TMOD3: variants seen among roughly 807,000 people sequenced by gnomAD.
TMOD3 encodes the protein tropomodulin 3.
A neutral mutation model predicts 39.2 loss-of-function variants in TMOD3; 20 were observed. The ratio of observed to expected loss-of-function variants is 0.51; its 90% CI spans 0.36 to 0.74. The LOEUF is 0.74. TMOD3 is among the 30% of genes least tolerant of loss of function. TMOD3 has a pLI of 0.00. For missense variants in TMOD3, 381 were observed against 412.8 expected (o/e 0.92, Z 0.67); for synonymous variants, 143 against 145.8 (o/e 0.98, Z 0.14).
chr15:51,901,181 C>A (rs932323707), intron 8 of TMOD3: 1 of 152,208 alleles, frequency 6.6e-6, no homozygotes, highest in African/African-American at 2.4e-5. Context: ...TACATCAGGA[C>A]CTCATTCTTT....
chr15:51,830,780 T>C (rs747065830), intron 1 of TMOD3, among the ~76,000 whole-genome samples: 1 of 152,224 alleles, frequency 6.6e-6, no homozygotes, highest in Non-Finnish European at 1.5e-5. Flanking sequence ...AATTGATTAA[T>C]TGGCCCGTCA....
chr15:51,896,456 CT>C lies in TMOD3; in HGVS notation c.668del (p.Leu223TrpfsTer7). 2 of 1,613,292 alleles carry C rather than the reference CT, an allele frequency of 1.2e-6. No individual in the cohort carries two copies. Among genetic ancestry groups the C allele is most frequent in the South Asian group, 2.2e-5 (2 of 90,976 alleles). On this transcript the variant is annotated frameshift_variant, in exon 7 of 10. Transcript: ENST00000308580. LOFTEE classifies it high-confidence loss of function. ...CCAACCCTAAAAGATTTTGCAAAGG[CT>C]TTGGAAACCAACACACATGTGAAAT... Reference protein sequence around the residue: ...PIPTLKDFAKALETNTHVKCF... With the variant: ...PIPTLKDFAKXLETNTHVKCF...
At chr15:51,885,897 G>A (rs1263960000) in intron 3 of TMOD3, among the ~76,000 whole-genome samples, 13 of 149,528 alleles carry the variant, frequency 8.7e-5, no homozygotes, top group Non-Finnish European at 1.6e-4. Context: ...TCCCAGACGG[G>A]GTGGCTGCCG....
intron 1 of TMOD3, among the ~76,000 whole-genome samples, chr15:51,840,855 T>G (rs2056309630): frequency 6.6e-6 from 1 of 152,254 alleles, no homozygotes; most frequent in African/African-American, 2.4e-5. Context: ...TTGGTAGCTT[T>G]TCCTTTTCTT....
chr15:51,881,555 T>C lies in TMOD3; in HGVS notation c.284-6034T>C, dbSNP rs111928984. ...GATACAATCTTTCTTTATTTCTTTT[T>C]TTTTTTTTTTTTTTTTTTTTTTTGA... is the stretch of plus-strand genomic sequence containing the variant. On this transcript the variant is annotated intron_variant, in intron 3 of 9. Transcript: ENST00000308580. Among the ~76,000 whole-genome samples the C allele has an allele frequency of 3.9e-3, 516 of 132,232 alleles. 1 individual carries two copies. Among genetic ancestry groups the C allele is most frequent in the Middle Eastern group, 0.022 (6 of 276 alleles). 86.7% of individuals were successfully genotyped at this position (132,232 alleles called of 152,430 possible). A position where few individuals can be genotyped will look rare whatever the true frequency, so the allele number is the denominator to read the frequency against.
At chr15:51,850,671 A>AT (rs1364247011) in intron 1 of TMOD3, among the ~76,000 whole-genome samples, 22 of 152,228 alleles carry the variant, frequency 1.4e-4, no homozygotes, top group Admixed American at 1.2e-3. Context: ...CAGTTCATGT[A>AT]TTTTTTCTCC....
chr15:51,878,555 T>A (rs758438626), intron 3 of TMOD3, among the ~76,000 whole-genome samples: 7 of 152,208 alleles, frequency 4.6e-5, no homozygotes, highest in Non-Finnish European at 1.0e-4. Flanking sequence ...CTCCCAAAAG[T>A]GAAGGATCTC....
intron 3 of TMOD3, among the ~76,000 whole-genome samples, chr15:51,878,587 G>A (rs1370408391): frequency 6.6e-6 from 1 of 152,148 alleles, no homozygotes; most frequent in African/African-American, 2.4e-5. Context: ...TCCTTATGGT[G>A]TCTTTCTAGT....
chr15:51,861,082 T>C, intron 1 of TMOD3: 2 of 620,200 alleles, frequency 3.2e-6, no homozygotes, highest in Non-Finnish European at 5.8e-6. Context: ...ATGCGTGTTC[T>C]TCTCTGGATC....
At chr15:51,867,338 A>G (rs2056452087) in intron 2 of TMOD3, among the ~76,000 whole-genome samples, 1 of 152,220 alleles carries the variant, frequency 6.6e-6, no homozygotes, top group African/African-American at 2.4e-5. Context: ...TGGATTCTTC[A>G]TGTGTAATTC....
chr15:51,892,137 C>T (rs575714603), intron 5 of TMOD3, among the ~76,000 whole-genome samples: 3 of 152,262 alleles, frequency 2.0e-5, no homozygotes, highest in African/African-American at 7.2e-5. Context: ...ATAATCAGTG[C>T]ACCCTGTCTC....
In TMOD3 at chr15:51,887,707, C is replaced by T. The variant is rs774599943; in HGVS notation, c.402C>T (p.Leu134=). The T allele has an allele frequency of 2.4e-5, 38 of 1,613,480 alleles. No homozygotes were observed. Among genetic ancestry groups the T allele is most frequent in the Non-Finnish European group, 3.0e-5 (35 of 1,179,852 alleles). The change falls in exon 4 of 10, where the codon CTC becomes CTT. Residue 134 remains leucine (L), a synonymous_variant. Coordinates refer to ENST00000308580, the MANE Select transcript of TMOD3 (RefSeq NM_014547.5). ...TSASDTELCD[L]AAILGMHNLI... is the part of the protein sequence containing the mutation. ...CTTCTGATACAGAATTGTGTGACCTCGCAGGTATCACCTAAAACAAGTTAA... is the reference window on the plus strand; with the variant it reads ...CTTCTGATACAGAATTGTGTGACCTTGCAGGTATCACCTAAAACAAGTTAA...
At chr15:51,872,688 C>T (rs1035075826) in intron 3 of TMOD3, among the ~76,000 whole-genome samples, 2 of 149,318 alleles carry the variant, frequency 1.3e-5, no homozygotes, top group African/African-American at 4.9e-5. Flanking sequence ...CAACCTGGGA[C>T]TCCTGGGCTC....
chr15:51,897,567 C>T (rs1325225674), intron 7 of TMOD3, among the ~76,000 whole-genome samples: 2 of 149,396 alleles, frequency 1.3e-5, no homozygotes, highest in Admixed American at 1.3e-4. Flanking sequence ...TCACTGCAAC[C>T]TCCGCCTCCC....
chr15:51,884,860 C>A (rs1217222495), intron 3 of TMOD3, among the ~76,000 whole-genome samples: 2 of 152,190 alleles, frequency 1.3e-5, no homozygotes, highest in Non-Finnish European at 2.9e-5. Context: ...CCTAGAACCA[C>A]CTTCCTGTGG....
In TMOD3 at chr15:51,877,503, C is replaced by T. The variant is rs111537589; in HGVS notation, c.283+8130C>T. ...TACCAGCCTGACCAACATGGTGAAACCCCATCTCTACTAAAAATACAAAAA... is the reference window on the plus strand; with the variant it reads ...TACCAGCCTGACCAACATGGTGAAATCCCATCTCTACTAAAAATACAAAAA... On this transcript the variant is annotated intron_variant, in intron 3 of 9. Coordinates refer to ENST00000308580, the MANE Select transcript of TMOD3 (RefSeq NM_014547.5). Among the ~76,000 whole-genome samples the T allele has an allele frequency of 7.2e-3, 1,093 of 152,094 alleles. 16 individuals carry two copies. Among genetic ancestry groups the T allele is most frequent in the African/African-American group, 0.025 (1,055 of 41,488 alleles).
intron 2 of TMOD3, among the ~76,000 whole-genome samples, chr15:51,867,363 A>C (rs932811347): frequency 2.6e-5 from 4 of 152,228 alleles, no homozygotes; most frequent in African/African-American, 9.7e-5. Context: ...CATGATTTCT[A>C]AGTCTAAAGG....
chr15:51,901,309 T>G (rs1390812406), intron 8 of TMOD3: 1 of 152,452 alleles, frequency 6.6e-6, no homozygotes, highest in Non-Finnish European at 1.5e-5. Flanking sequence ...TCATTTCTCT[T>G]CAGTATATAG....
At position 51,914,258 on chromosome 15, in the gene TMOD3, C is replaced by T. The variant is rs1323420853; in HGVS notation, c.*5448C>T. 6.6e-6 allele frequency: 1 copy of T among 152,074 alleles called. No individual in the cohort carries two copies. The highest frequency in any genetic ancestry group is 6.6e-5 in the Admixed American group (1 of 15,260). 9.4% of individuals were successfully genotyped at this position (152,074 alleles called of 1,614,324 possible). The stretch of plus-strand genomic sequence containing the variant: ...TTTGATCATGCCACTGCATTCCAGC[C>T]TGGGTAACAAGAGTGAGACTGTCTC... On this transcript the variant is annotated 3_prime_UTR_variant, in exon 10 of 10. Coordinates refer to ENST00000308580, the MANE Select transcript of TMOD3 (RefSeq NM_014547.5).
Sources: allele counts gnomAD v4.1 joint callset (sites outside exome capture counted in the v4.1 genomes callset), GRCh38; gene constraint gnomAD v4.1.1; transcripts MANE v1.5; gene names NCBI Gene and HGNC (gene_info 2026-07-23, HGNC 2026-07-21).